Variants in TDRKH observed in about 807,000 individuals in gnomAD.
TDRKH encodes the protein tudor and KH domain containing.
Under a neutral mutation model 61.3 loss-of-function variants are expected in TDRKH, and 28 were observed. The observed-to-expected ratio is 0.46, with a 90% confidence interval of 0.34 to 0.63. TDRKH has a LOEUF of 0.63. Among genes scored for constraint, TDRKH ranks in the 20% least tolerant of loss-of-function variants. TDRKH has a pLI of 0.01. For synonymous variants in TDRKH, 219 were observed against 244.4 expected (o/e 0.90, Z 0.97); for missense variants, 540 against 683.4 (o/e 0.79, Z 2.34).
Position 151,781,328 on chromosome 1 carries a change from A to ATAT in TDRKH, c.231+152_231+153insATA, listed in dbSNP as rs1553282748. ...GCGAAACTCCATCTCAAAAAAAAAAAATATATATATATATATTTTATATAT... is the reference window on the plus strand; with the variant it reads ...GCGAAACTCCATCTCAAAAAAAAAAATATATATATATATATATATTTTATATAT... On this transcript the variant is annotated intron_variant, in intron 3 of 12. Transcript: ENST00000368824. Among the ~76,000 whole-genome samples, 13 of 68,600 alleles carry ATAT rather than the reference A, an allele frequency of 1.9e-4. 1 individual carries two copies. The highest frequency in any genetic ancestry group is 4.4e-4 in the African/African-American group (9 of 20,630). The allele number at this position is 68,600 out of a possible 152,430, so 45.0% of individuals were successfully genotyped here.
downstream of TDRKH, chr1:151,770,174 T>G: frequency 6.2e-7 from 1 of 1,613,812 alleles, no homozygotes; most frequent in Middle Eastern, 1.6e-4. Flanking sequence ...GCTCCTAGTT[T>G]GACTGCAACC....
chr1:151,787,608 T>C (rs139483107), intron 1 of TDRKH, among the ~76,000 whole-genome samples: 1 of 152,174 alleles, frequency 6.6e-6, no homozygotes, highest in Non-Finnish European at 1.5e-5. Flanking sequence ...TCTTGTGTGC[T>C]GAGCACGTTG....
chr1:151,772,380 C>T (rs1648761050), downstream of TDRKH, among the ~76,000 whole-genome samples: 1 of 152,016 alleles, frequency 6.6e-6, no homozygotes, highest in Non-Finnish European at 1.5e-5. Flanking sequence ...GTGTGAGCCA[C>T]CGGTGCCTGG....
chr1:151,778,245 C>T (rs1241810085), intron 6 of TDRKH, among the ~76,000 whole-genome samples: 1 of 152,148 alleles, frequency 6.6e-6, no homozygotes, highest in Non-Finnish European at 1.5e-5. Flanking sequence ...AAATAATAAA[C>T]TACAAATATC....
At chr1:151,779,800 T>G (rs1649569391) in intron 4 of TDRKH, 151 bp downstream of exon 4, 2 of 736,048 alleles carry the variant, frequency 2.7e-6, no homozygotes, top group Non-Finnish European at 4.3e-6. Context: ...TTACCACCAG[T>G]TCTACAAACA....
At chr1:151,789,512 A>G (rs866614039) in intron 1 of TDRKH, among the ~76,000 whole-genome samples, 1 of 152,216 alleles carries the variant, frequency 6.6e-6, no homozygotes, top group African/African-American at 2.4e-5. Context: ...AGAGAAGATG[A>G]GGATCATTGT....
rs369911645 is a variant in TDRKH at position 151,774,518 on chromosome 1, A to G, written c.1634-14T>C. The stretch of plus-strand genomic sequence containing the variant: ...TGGAAGCAGCTTCTATTGAAGATAA[A>G]TAAGAAGGAGAAAGTTAGACACTGC... On this transcript the variant is annotated splice_polypyrimidine_tract_variant and intron_variant, in intron 12 of 12. Coordinates refer to ENST00000368824, the MANE Select transcript of TDRKH (RefSeq NM_001083965.2). 1.1e-5 allele frequency: 18 copies of G among 1,614,028 alleles called. No homozygotes were observed. Among genetic ancestry groups the G allele is most frequent in the Admixed American group, 6.7e-5 (4 of 60,006 alleles).
chr1:151,766,892 C>A (rs767397855), downstream of TDRKH: 2 of 1,598,952 alleles, frequency 1.3e-6, no homozygotes, highest in Non-Finnish European at 1.7e-6. Flanking sequence ...ATAAAAGGTA[C>A]TTGTTTTCAT....
At chr1:151,775,632 G>C in intron 9 of TDRKH, 89 bp from the exon 10 acceptor site, 1 of 1,526,954 alleles carries the variant, frequency 6.5e-7, no homozygotes. Context: ...ACTCAGGAAG[G>C]CACCTGTGTC....
At position 151,786,272 on chromosome 1, in the gene TDRKH, G is replaced by C. The variant is rs759862640; in HGVS notation, c.-27-3223C>G. Among the ~76,000 whole-genome samples the C allele has an allele frequency of 3.2e-4, 49 of 152,156 alleles. 1 individual carries two copies. Among genetic ancestry groups the C allele is most frequent in the Non-Finnish European group, 1.5e-5 (1 of 68,030 alleles). On this transcript the variant is annotated intron_variant, in intron 1 of 12. Transcript: ENST00000368824. Reference sequence around the variant, plus strand: ...ACAGTCATCCTCTCTTATCCTCGAGGAATATGTTCCAAGAACCCCAGTGGA... The same window carrying C: ...ACAGTCATCCTCTCTTATCCTCGAGCAATATGTTCCAAGAACCCCAGTGGA...
In TDRKH at chr1:151,782,887, G is replaced by C; in HGVS notation, c.124+12C>G. ...GAACATTTTCACACACACAGTCATAGGGTTCACGTACCTCTGCTTTCCCTA... is the reference window on the plus strand; with the variant it reads ...GAACATTTTCACACACACAGTCATACGGTTCACGTACCTCTGCTTTCCCTA... On this transcript the variant is annotated intron_variant, in intron 2 of 12. Transcript: ENST00000368824. 4 of 1,592,800 alleles carry C rather than the reference G, an allele frequency of 2.5e-6. No individual in the cohort carries two copies. The highest frequency in any genetic ancestry group is 3.4e-6 in the Non-Finnish European group (4 of 1,171,706).
downstream of TDRKH, among the ~76,000 whole-genome samples, chr1:151,772,502 A>G (rs896453905): frequency 2.0e-5 from 3 of 152,208 alleles, no homozygotes; most frequent in Non-Finnish European, 4.4e-5. Flanking sequence ...TTTAAAAAAA[A>G]GACCTGTGTA....
chr1:151,770,722 C>T (rs1415798374), downstream of TDRKH, among the ~76,000 whole-genome samples: 3 of 152,208 alleles, frequency 2.0e-5, no homozygotes, highest in Non-Finnish European at 2.9e-5. Context: ...GTGATAGATA[C>T]TATTTCAGAG....
At chr1:151,780,792 G>A (rs989890712) in intron 3 of TDRKH, among the ~76,000 whole-genome samples, 1 of 150,144 alleles carries the variant, frequency 6.7e-6, no homozygotes, top group Non-Finnish European at 1.5e-5. Context: ...GGAGCTTGCA[G>A]TGAGCCAAGA....
At chr1:151,767,316 C>T (rs1178237896), downstream of TDRKH, 4 of 1,610,614 alleles carry the variant, frequency 2.5e-6, no homozygotes, top group African/African-American at 4.0e-5. Flanking sequence ...GGACTGTGAG[C>T]TAGTGCTGTG....
downstream of TDRKH, among the ~76,000 whole-genome samples, chr1:151,769,942 C>T (rs549602102): frequency 1.1e-3 from 142 of 134,724 alleles, 2 homozygotes; most frequent in East Asian, 0.016. Context: ...CATGGCGGCA[C>T]GCGCCTGCAA....
Position 151,773,571 on chromosome 1 carries a change from C to A in TDRKH, c.*881G>T, listed in dbSNP as rs760002026. 6.6e-6 allele frequency: 1 copy of A among 152,518 alleles called. No homozygotes were observed. The allele number at this position is 152,518 out of a possible 1,614,324, so 9.4% of individuals were successfully genotyped here. A position where few individuals can be genotyped will look rare whatever the true frequency, so the allele number is the denominator to read the frequency against. On this transcript the variant is annotated 3_prime_UTR_variant, in exon 13 of 13. Transcript: ENST00000368824. The stretch of plus-strand genomic sequence containing the variant: ...ACTGTATACTCTTCCTCTCTCTCCA[C>A]GGGTGTATATGTGTGTATACATATA...
chr1:151,781,129 A>G lies in TDRKH; in HGVS notation c.231+352T>C, dbSNP rs561393497. 1.5e-3 allele frequency among the ~76,000 whole-genome samples: 233 copies of G among 151,314 alleles called. 2 individuals carry two copies. The highest frequency in any genetic ancestry group is 5.3e-3 in the African/African-American group (221 of 41,310). On this transcript the variant is annotated intron_variant, in intron 3 of 12. Coordinates refer to ENST00000368824, the MANE Select transcript of TDRKH (RefSeq NM_001083965.2). ...TCAGGAGTTCGAGATCAGCCTGGCC[A>G]ACATGACGAAACCTCGTCTCCACTA...
chr1:151,771,264 T>C, downstream of TDRKH: 1 of 1,599,562 alleles, frequency 6.3e-7, no homozygotes, highest in Non-Finnish European at 8.5e-7. Context: ...CCTTGACACA[T>C]GGAATCAGGG....
Sources: gnomAD v4.1 joint callset for allele counts (sites outside exome capture counted in the v4.1 genomes callset) on GRCh38, gnomAD v4.1.1 for gene constraint, MANE v1.5 for transcripts, NCBI Gene and HGNC (gene_info 2026-07-23, HGNC 2026-07-21) for gene names.